CIMIP2A: variants seen among roughly 807,000 people sequenced by gnomAD.
CIMIP2A encodes the protein family with sequence similarity 166 member A.
At chr9:137,253,329 C>G in the CIMIP2A span, 3 of 1,549,930 alleles carry the variant, frequency 1.9e-6, no homozygotes, top group Non-Finnish European at 2.6e-6. Context: ...TCCCCTGGGA[C>G]TTGGGGCCCC....
the CIMIP2A span, chr9:137,253,083 T>C: frequency 1.3e-6 from 2 of 1,543,486 alleles, no homozygotes; most frequent in Non-Finnish European, 8.8e-7. Context: ...GGCTGCTACC[T>C]GGGTGGGGCT....
the CIMIP2A span, among the ~76,000 whole-genome samples, chr9:137,246,315 C>T: frequency 6.6e-6 from 1 of 152,212 alleles, no homozygotes; most frequent in South Asian, 2.1e-4. Context: ...GGCCAGTAGC[C>T]TCCTGCACGG....
chr9:137,253,046 G>A, the CIMIP2A span: 1 of 1,198,718 alleles, frequency 8.3e-7, no homozygotes. Context: ...GGCCGGGGGT[G>A]GGAACTGGGA....
At chr9:137,252,665 C>T in the CIMIP2A span, 1 of 1,543,670 alleles carries the variant, frequency 6.5e-7, no homozygotes, top group Non-Finnish European at 8.8e-7. Flanking sequence ...CTCGCAGTGG[C>T]CCTCGCCAGC....
the CIMIP2A span, chr9:137,252,736 C>T: frequency 2.8e-5 from 44 of 1,555,312 alleles, no homozygotes; most frequent in African/African-American, 1.2e-4. Flanking sequence ...GCTGCCACTC[C>T]GCTTCCAAGA....
the CIMIP2A span, chr9:137,253,105 C>T: frequency 6.4e-7 from 1 of 1,552,358 alleles, no homozygotes; most frequent in Non-Finnish European, 8.7e-7. Context: ...CCAGCCTTCT[C>T]TTTCGGCAGC....
the CIMIP2A span, chr9:137,252,345 G>T: frequency 1.2e-5 from 17 of 1,416,428 alleles, no homozygotes; most frequent in South Asian, 2.1e-4. Context: ...AGGGTTCAGG[G>T]GCCGAGGGTG....
chr9:137,248,740 T>G, the CIMIP2A span, among the ~76,000 whole-genome samples: 1 of 151,994 alleles, frequency 6.6e-6, no homozygotes, highest in Admixed American at 6.6e-5. Flanking sequence ...ATGGTGAATG[T>G]GCCTGTGATC....
At chr9:137,244,458 C>A in the CIMIP2A span, 1 of 1,501,510 alleles carries the variant, frequency 6.7e-7, no homozygotes, top group Admixed American at 2.1e-5. Context: ...GTGCAGGGAT[C>A]CAAGCAAGAC....
chr9:137,251,450 C>T, the CIMIP2A span: 1 of 1,359,614 alleles, frequency 7.4e-7, no homozygotes, highest in South Asian at 1.3e-5. Context: ...GGCCAGGGGG[C>T]TGAGGGACAG....
the CIMIP2A span, chr9:137,251,932 G>T: frequency 1.9e-6 from 3 of 1,598,110 alleles, no homozygotes; most frequent in Non-Finnish European, 2.6e-6. Context: ...CCCCAAGCTG[G>T]TCTTTGGGGG....
At chr9:137,250,954 C>G in the CIMIP2A span, 3 of 359,892 alleles carry the variant, frequency 8.3e-6, no homozygotes, top group Admixed American at 4.1e-5. Flanking sequence ...CCCTCCACCC[C>G]CTCTGCTGAG....
chr9:137,252,327 T>A, the CIMIP2A span: 2 of 1,348,914 alleles, frequency 1.5e-6, no homozygotes, highest in Admixed American at 2.0e-5. Context: ...GTGGACATTG[T>A]GAAGACAAGG....
the CIMIP2A span, chr9:137,253,464 G>C: frequency 8.4e-6 from 12 of 1,433,420 alleles, no homozygotes; most frequent in Admixed American, 8.6e-5. Context: ...GCTACACTGA[G>C]ATGCTGTTGG....
the CIMIP2A span, among the ~76,000 whole-genome samples, chr9:137,249,098 C>T: frequency 4.6e-5 from 7 of 151,888 alleles, no homozygotes; most frequent in Admixed American, 1.3e-4. Flanking sequence ...CCTCGTGATC[C>T]GCCCACCTCG....
chr9:137,243,983 G>A, the CIMIP2A span, among the ~76,000 whole-genome samples: 5 of 151,912 alleles, frequency 3.3e-5, no homozygotes, highest in African/African-American at 4.8e-5. Context: ...CTGGGACTTA[G>A]GTGGGTCCAG....
chr9:137,254,630 T>C, the CIMIP2A span, among the ~76,000 whole-genome samples: 7 of 152,102 alleles, frequency 4.6e-5, no homozygotes, highest in East Asian at 5.8e-4. Flanking sequence ...AGAGAGAGGG[T>C]GTGTGTAGGG....
At chr9:137,247,718 T>A in the CIMIP2A span, 1 of 1,613,378 alleles carries the variant, frequency 6.2e-7, no homozygotes, top group Non-Finnish European at 8.5e-7. Flanking sequence ...GTTGTCATTT[T>A]GCTTTCACTC....
At chr9:137,245,403 G>A in the CIMIP2A span, 4,171 of 1,613,716 alleles carry the variant, frequency 2.6e-3, 75 homozygotes, top group South Asian at 0.03. Context: ...CTCCCTTCCT[G>A]CCTGGTGGGC....
Sources: allele counts gnomAD v4.1 joint callset (sites outside exome capture counted in the v4.1 genomes callset), GRCh38; gene constraint gnomAD v4.1.1; transcripts MANE v1.5; gene names NCBI Gene and HGNC (gene_info 2026-07-23, HGNC 2026-07-21).